Variants in C4orf50 observed in about 807,000 individuals in gnomAD.
C4orf50 encodes the protein uncharacterized protein C4orf50.
Under a neutral mutation model 77.2 loss-of-function variants are expected in C4orf50, and 80 were observed. That is an observed-to-expected ratio of 1.04 (90% confidence interval 0.87 to 1.25). The LOEUF is 1.25. Ranked by LOEUF, C4orf50 falls within the 50% of genes most tolerant of loss-of-function variation. C4orf50 has a pLI of 0.00. For missense variants in C4orf50, 1,257 were observed against 1,152.9 expected (o/e 1.09, Z -1.31); for synonymous variants, 532 against 465.3 (o/e 1.14, Z -1.84).
chr4:5,943,141 C>T (rs545108380), intron 7 of C4orf50, among the ~76,000 whole-genome samples: 1 of 152,330 alleles, frequency 6.6e-6, no homozygotes, highest in South Asian at 2.1e-4. Context: ...AGAATCGATG[C>T]TCAATAAACA....
Position 5,900,649 on chromosome 4 carries a change from A to T in C4orf50, c.*2475-2461T>A, listed in dbSNP as rs1348146193. On this transcript the variant is annotated intron_variant, in intron 7 of 7. Transcript: ENST00000324058. The surrounding 1 kb of genome is among the most constrained non-coding windows in gnomAD (Gnocchi z 4.3). ...AGAGCCTGCCCCATGGCACGGTTGG[A>T]GAATACTGCATAATGACATCCGAAC... 1.3e-5 allele frequency: 2 copies of T among 152,272 alleles called. No individual in the cohort carries two copies. Among genetic ancestry groups the T allele is most frequent in the East Asian group, 3.8e-4 (2 of 5,200 alleles). 9.4% of individuals were successfully genotyped at this position (152,272 alleles called of 1,614,324 possible). A position where few individuals can be genotyped will look rare whatever the true frequency, so the allele number is the denominator to read the frequency against.
At chr4:5,993,836 AT>A (rs1280261673) in intron 26 of C4orf50, among the ~76,000 whole-genome samples, 1 of 119,954 alleles carries the variant, frequency 8.3e-6, no homozygotes, top group Non-Finnish European at 1.7e-5. Flanking sequence ...AAATAAAAAA[AT>A]AAAAATAAAT....
At chr4:5,990,211 G>C in exon 28 of C4orf50, 2 of 1,244,316 alleles carry the variant, frequency 1.6e-6, no homozygotes, top group Non-Finnish European at 2.0e-6. Context: ...GCAGGTGGCG[G>C]CCTTAGTCTC....
chr4:5,989,835 T>C, exon 28 of C4orf50: 7 of 1,468,254 alleles, frequency 4.8e-6, no homozygotes, highest in South Asian at 1.4e-5. Context: ...CCAGACCGGA[T>C]GCTTCTTGAT....
At chr4:5,988,959 G>T (rs1462935327) in exon 28 of C4orf50, 2 of 1,535,956 alleles carry the variant, frequency 1.3e-6, no homozygotes, top group Non-Finnish European at 1.7e-6. Flanking sequence ...TCTGGAGTTG[G>T]CCCAGATTCC....
intron 28 of C4orf50, among the ~76,000 whole-genome samples, chr4:5,987,606 A>G (rs4359846): frequency 0.55 from 83,364 of 150,844 alleles, 24,100 homozygotes; most frequent in East Asian, 0.91. Flanking sequence ...GAGGGAAAGG[A>G]AGGCAGGAGG....
chr4:5,914,033 T>C (rs1471545903), intron 7 of C4orf50, among the ~76,000 whole-genome samples: 3 of 152,042 alleles, frequency 2.0e-5, no homozygotes, highest in African/African-American at 7.2e-5. Flanking sequence ...TCATGAGAAG[T>C]AAAGTTTATG....
At chr4:5,974,731 A>T (rs1720153358) in intron 30 of C4orf50, among the ~76,000 whole-genome samples, 1 of 152,204 alleles carries the variant, frequency 6.6e-6, no homozygotes. Context: ...CCTTGACCAA[A>T]TTCTGTGTCC....
chr4:6,004,211 GGTGATGGTGATGAT>G (rs1560598746), intron 25 of C4orf50, among the ~76,000 whole-genome samples: 6 of 69,216 alleles, frequency 8.7e-5, no homozygotes, highest in African/African-American at 2.5e-4. Context: ...TGGTGATGAT[GGTGATGGTGATGAT>G]GTGATGGTGA....
chr4:5,915,506 T>C (rs911088033), intron 7 of C4orf50, among the ~76,000 whole-genome samples: 2 of 152,204 alleles, frequency 1.3e-5, no homozygotes, highest in Non-Finnish European at 2.9e-5. Flanking sequence ...CCCTGGCCAA[T>C]GTATGCTGGA....
intron 28 of C4orf50, among the ~76,000 whole-genome samples, chr4:5,981,675 G>A (rs1303591945): frequency 2.0e-5 from 3 of 152,218 alleles, no homozygotes; most frequent in African/African-American, 7.2e-5. Context: ...AAGTGCTGAG[G>A]TTACAGGCAT....
chr4:5,927,550 C>G (rs1395551194), intron 7 of C4orf50, among the ~76,000 whole-genome samples: 1 of 151,964 alleles, frequency 6.6e-6, no homozygotes, highest in Non-Finnish European at 1.5e-5. Context: ...GAGGTTCCCC[C>G]ATGCTGTTCT....
intron 26 of C4orf50, among the ~76,000 whole-genome samples, chr4:5,994,022 C>T (rs919688775): frequency 4.6e-5 from 7 of 152,100 alleles, no homozygotes; most frequent in African/African-American, 1.7e-4. Context: ...ATACGGACTT[C>T]TGTGAAAGCA....
chr4:5,934,408 A>G (rs1717915217), intron 7 of C4orf50, among the ~76,000 whole-genome samples: 1 of 151,910 alleles, frequency 6.6e-6, no homozygotes, highest in Non-Finnish European at 1.5e-5. Flanking sequence ...ATCAAACTCC[A>G]CTCCTCCACA....
chr4:5,946,537 C>T (rs1359020280), intron 7 of C4orf50, among the ~76,000 whole-genome samples: 1 of 152,208 alleles, frequency 6.6e-6, no homozygotes, highest in African/African-American at 2.4e-5. Context: ...CCAAGATGTC[C>T]AAGCTGGACA....
At chr4:5,904,627 C>A (rs1450507040) in intron 7 of C4orf50, 2 of 152,168 alleles carry the variant, frequency 1.3e-5, no homozygotes, top group African/African-American at 4.8e-5. Context: ...TCTGGATTTC[C>A]GGACAGAGTC....
At chr4:5,997,280 G>T (rs12500520) in intron 25 of C4orf50, among the ~76,000 whole-genome samples, 2 of 152,218 alleles carry the variant, frequency 1.3e-5, no homozygotes, top group African/African-American at 4.8e-5. Context: ...TGCTCGCTGA[G>T]CATCTACTAT....
intron 7 of C4orf50, among the ~76,000 whole-genome samples, chr4:5,911,286 G>A (rs1232007010): frequency 6.6e-6 from 1 of 152,182 alleles, no homozygotes; most frequent in East Asian, 1.9e-4. Flanking sequence ...TCGAGTATCT[G>A]TGGTGGATGG....
At chr4:5,965,821 A>T (rs1719534829) in intron 32 of C4orf50, among the ~76,000 whole-genome samples, 1 of 152,204 alleles carries the variant, frequency 6.6e-6, no homozygotes, top group South Asian at 2.1e-4. Context: ...AGGTCATATT[A>T]TCCTCCTCTT....
Sources: allele counts gnomAD v4.1 joint callset (sites outside exome capture counted in the v4.1 genomes callset), GRCh38; gene constraint gnomAD v4.1.1; non-coding constraint Gnocchi (gnomAD v3.1); transcripts MANE v1.5; gene names NCBI Gene and HGNC (gene_info 2026-07-23, HGNC 2026-07-21).